Variants in ARHGAP44 observed in about 807,000 individuals in gnomAD.
ARHGAP44 encodes the protein rho GTPase-activating protein 44.
In ARHGAP44, 43 loss-of-function variants were observed where a neutral mutation model predicts 106.8. That is an observed-to-expected ratio of 0.40 (90% CI 0.32 to 0.52). ARHGAP44 has a LOEUF of 0.52. Ranked by LOEUF, ARHGAP44 falls within the 20% of genes least tolerant of loss-of-function variation. The probability of loss-of-function intolerance (pLI) is 0.48; values close to 1 mark genes in which losing one functional copy is unlikely to be tolerated. For missense variants in ARHGAP44, 866 were observed against 1,050.5 expected (o/e 0.82, Z 2.43); for synonymous variants, 439 against 410.3 (o/e 1.07, Z -0.85).
At chr17:12,948,208 G>A (rs1225538725) in intron 10 of ARHGAP44, among the ~76,000 whole-genome samples, 5 of 152,036 alleles carry the variant, frequency 3.3e-5, no homozygotes, top group African/African-American at 9.7e-5. Context: ...CTTCTCTTTC[G>A]CTTCATAGCT....
At chr17:12,941,301 G>C (rs575349905) in intron 8 of ARHGAP44, among the ~76,000 whole-genome samples, 177 bp downstream of exon 8, 1 of 152,114 alleles carries the variant, frequency 6.6e-6, no homozygotes, top group African/African-American at 2.4e-5. Context: ...AAAAACCTTA[G>C]AATAAAACTC....
chr17:12,848,544 A>ATT (rs143738684), intron 1 of ARHGAP44, among the ~76,000 whole-genome samples: 17 of 151,994 alleles, frequency 1.1e-4, no homozygotes, highest in Non-Finnish European at 2.1e-4. Flanking sequence ...AAAACCCGTG[A>ATT]TTTTTTTTAA....
chr17:12,937,986 A>G (rs1207792332), intron 7 of ARHGAP44, among the ~76,000 whole-genome samples: 2 of 152,088 alleles, frequency 1.3e-5, no homozygotes, highest in African/African-American at 4.8e-5. Context: ...CTGTAGTCCC[A>G]GCTCAGGAGG....
chr17:12,837,223 TG>T (rs1442633242), intron 1 of ARHGAP44, among the ~76,000 whole-genome samples: 4 of 152,108 alleles, frequency 2.6e-5, no homozygotes, highest in Non-Finnish European at 4.4e-5. Context: ...TGAATGAAAA[TG>T]AAAATACAAT....
intron 1 of ARHGAP44, 193 bp downstream of exon 1, chr17:12,790,084 C>T (rs1371870493): frequency 2.0e-6 from 1 of 508,556 alleles, no homozygotes; most frequent in African/African-American, 2.0e-5. Flanking sequence ...GCTCTTCTCA[C>T]TCGCCGCCTT....
chr17:12,914,799 G>GA (rs749775862), intron 4 of ARHGAP44, among the ~76,000 whole-genome samples: 68,030 of 122,746 alleles, frequency 0.55, 18,522 homozygotes, highest in Non-Finnish European at 0.65. Context: ...TCCATCTCAA[G>GA]AAAAAAAAAA....
At chr17:12,968,343 G>T (rs2143278014) in intron 16 of ARHGAP44, among the ~76,000 whole-genome samples, 1 of 152,208 alleles carries the variant, frequency 6.6e-6, no homozygotes, top group East Asian at 1.9e-4. Flanking sequence ...GCCAAGGACA[G>T]CTGACGGTTG....
intron 20 of ARHGAP44, 175 bp downstream of exon 20, chr17:12,985,083 C>G (rs1381220908): frequency 2.0e-5 from 15 of 768,150 alleles, no homozygotes; most frequent in Admixed American, 3.1e-5. Flanking sequence ...TGGAAAGCAA[C>G]CCTGGAATCC....
intron 16 of ARHGAP44, among the ~76,000 whole-genome samples, chr17:12,963,521 C>T (rs1245286058): frequency 6.6e-6 from 1 of 151,896 alleles, no homozygotes. Flanking sequence ...CAAGTCAGAC[C>T]ACCTCTGCCA....
chr17:12,819,809 G>A lies in ARHGAP44; in HGVS notation c.53+29918G>A, dbSNP rs547673849. 1.1e-4 allele frequency among the ~76,000 whole-genome samples: 16 copies of A among 151,946 alleles called. No homozygotes were observed. The South Asian group carries it at 1.2e-3, about 12-fold the overall frequency. ...TTTGTAGGAGTTCTTTATCTATTTT[G>A]CATGTAAGTCATTTGCTGATTGTGT... is the stretch of plus-strand genomic sequence containing the variant. On this transcript the variant is annotated intron_variant, in intron 1 of 20. Transcript: ENST00000379672.
intron 16 of ARHGAP44, among the ~76,000 whole-genome samples, chr17:12,968,348 C>A (rs749030215): frequency 6.6e-6 from 1 of 152,200 alleles, no homozygotes; most frequent in African/African-American, 2.4e-5. Context: ...GGACAGCTGA[C>A]GGTTGCAGGA....
intron 7 of ARHGAP44, among the ~76,000 whole-genome samples, chr17:12,936,843 C>A (rs561295359): frequency 6.6e-6 from 1 of 152,204 alleles, no homozygotes; most frequent in South Asian, 2.1e-4. Flanking sequence ...CACATCTGTG[C>A]CTGCATTTAG....
chr17:12,943,836 C>T (rs144897062), intron 9 of ARHGAP44, among the ~76,000 whole-genome samples, 167 bp downstream of exon 9: 38 of 152,230 alleles, frequency 2.5e-4, no homozygotes, highest in African/African-American at 7.9e-4. Flanking sequence ...GTCGGGGGTG[C>T]GTAGGGGTGC....
intron 6 of ARHGAP44, among the ~76,000 whole-genome samples, chr17:12,923,513 G>A (rs911179364): frequency 9.9e-5 from 15 of 151,908 alleles, no homozygotes; most frequent in Admixed American, 7.9e-4. Flanking sequence ...CACTGTGCCC[G>A]GCCGCTTTGG....
At chr17:12,857,721 A>G (rs1015171692) in intron 1 of ARHGAP44, among the ~76,000 whole-genome samples, 3 of 152,132 alleles carry the variant, frequency 2.0e-5, no homozygotes, top group African/African-American at 7.2e-5. Context: ...TTTCCATAAC[A>G]GGATACCCCA....
chr17:12,830,190 G>T (rs1348286397), intron 1 of ARHGAP44, among the ~76,000 whole-genome samples: 1 of 152,120 alleles, frequency 6.6e-6, no homozygotes, highest in Non-Finnish European at 1.5e-5. Flanking sequence ...AGAACTATGA[G>T]TCTTTTTCCT....
chr17:12,901,149 C>T (rs1433281214), intron 3 of ARHGAP44, among the ~76,000 whole-genome samples: 1 of 152,002 alleles, frequency 6.6e-6, no homozygotes. Flanking sequence ...GTATCAAACT[C>T]CTGACCTCAG....
chr17:12,958,698 A>G lies in ARHGAP44; in HGVS notation c.1343-19A>G. ...GGCAGACCAAGAGTTCACATGTACC[A>G]ATTCTTTCTTCCCCGCAGAGATAGA... On this transcript the variant is annotated intron_variant, in intron 15 of 20. Coordinates refer to ENST00000379672, the MANE Select transcript of ARHGAP44 (RefSeq NM_014859.6). The surrounding 1 kb of genome is among the most constrained non-coding windows in gnomAD (Gnocchi z 4.1). The G allele has an allele frequency of 6.2e-7, 1 of 1,611,844 alleles. No individual in the cohort carries two copies. Among genetic ancestry groups the G allele is most frequent in the South Asian group, 1.1e-5 (1 of 90,856 alleles).
rs73290006 is a variant in ARHGAP44 at position 12,826,136 on chromosome 17, C to T, written c.53+36245C>T. ...CAGGTTTGTTTGTTACATAGGTAAACTTGTGTCCTGGGGTGGTTTGTACAG... is the reference window on the plus strand; with the variant it reads ...CAGGTTTGTTTGTTACATAGGTAAATTTGTGTCCTGGGGTGGTTTGTACAG... On this transcript the variant is annotated intron_variant, in intron 1 of 20. Transcript: ENST00000379672. Among the ~76,000 whole-genome samples the T allele has an allele frequency of 3.8e-3, 584 of 152,260 alleles. 5 individuals carry two copies. Among genetic ancestry groups the T allele is most frequent in the African/African-American group, 0.014 (563 of 41,552 alleles).
Sources: allele counts gnomAD v4.1 joint callset (sites outside exome capture counted in the v4.1 genomes callset), GRCh38; gene constraint gnomAD v4.1.1; non-coding constraint Gnocchi (gnomAD v3.1); transcripts MANE v1.5; gene names NCBI Gene and HGNC (gene_info 2026-07-23, HGNC 2026-07-21).